Variants in UTP6 observed in about 807,000 individuals in gnomAD.
UTP6 encodes the protein U3 small nucleolar RNA-associated protein 6 homolog.
In UTP6, 60 loss-of-function variants were observed where a neutral mutation model predicts 96.5. That is an observed-to-expected ratio of 0.62 (90% CI 0.51 to 0.77). The LOEUF (loss-of-function observed/expected upper bound fraction) is 0.77, where lower values mean the gene tolerates loss of function less well. Among genes scored for constraint, UTP6 ranks in the 30% least tolerant of loss-of-function variants. The pLI, the probability that UTP6 is intolerant of heterozygous loss-of-function variation, is 0.00. For missense variants in UTP6, 637 were observed against 706.5 expected (o/e 0.90, Z 1.12); for synonymous variants, 215 against 240.1 (o/e 0.90, Z 0.96).
intron 17 of UTP6, among the ~76,000 whole-genome samples, chr17:31,866,286 C>CAAAA (rs869110895): frequency 1.7e-5 from 1 of 58,066 alleles, no homozygotes. Flanking sequence ...GACTCTGTCT[C>CAAAA]AAAAAAAAAA....
intron 16 of UTP6, among the ~76,000 whole-genome samples, chr17:31,872,901 G>A (rs1397634652): frequency 6.6e-6 from 1 of 150,844 alleles, no homozygotes; most frequent in Non-Finnish European, 1.5e-5. Context: ...GGAGGCTAAG[G>A]CGGGAGAATC....
At chr17:31,885,951 AC>A in intron 9 of UTP6, 28 bp downstream of exon 9, 1 of 1,582,288 alleles carries the variant, frequency 6.3e-7, no homozygotes, top group South Asian at 1.2e-5. Context: ...TCACTTTCCT[AC>A]CAAAAATAAT....
chr17:31,887,640 C>T, intron 7 of UTP6: 1 of 178,204 alleles, frequency 5.6e-6, no homozygotes, highest in East Asian at 1.5e-4. Context: ...GCATGAGCCA[C>T]CACACCCAGG....
Position 31,884,419 on chromosome 17 carries a change from C to G in UTP6, c.785+5G>C. On this transcript the variant is annotated splice_donor_5th_base_variant and intron_variant, in intron 10 of 18. Coordinates refer to ENST00000261708, the MANE Select transcript of UTP6 (RefSeq NM_018428.3). ...TATATTCACCTTTCTACTAACTTTA[C>G]TTACTCATCATAAATCTCTTTTTGT... 6.2e-7 allele frequency: 1 copy of G among 1,604,342 alleles called. No homozygotes were observed. The highest frequency in any genetic ancestry group is 1.3e-5 in the African/African-American group (1 of 74,730).
chr17:31,865,233 G>C, intron 18 of UTP6, 133 bp downstream of exon 18: 1 of 807,800 alleles, frequency 1.2e-6, no homozygotes, highest in Non-Finnish European at 1.9e-6. Context: ...GGCTGGTCTC[G>C]AACTCCTGAC....
Position 31,884,477 on chromosome 17 carries a change from C to G in UTP6, c.732G>C (p.Ser244=), listed in dbSNP as rs138959717. 1 of 1,612,032 alleles carries G rather than the reference C, an allele frequency of 6.2e-7. No individual in the cohort carries two copies. Among genetic ancestry groups the G allele is most frequent in the East Asian group, 2.2e-5 (1 of 44,796 alleles). Residue 244 remains serine, a synonymous_variant, in exon 10 of 19, where the codon TCG becomes TCC. Coordinates refer to ENST00000261708, the MANE Select transcript of UTP6 (RefSeq NM_018428.3). ...KGAEFHVSLL[S]IAQLFDFAKD... ...TGGCAAAGTCAAATAGCTGTGCAAT[C>G]GAAAGCAGTGACACGTGAAATTCTG...
At chr17:31,880,905 G>A (rs1910793899) in intron 10 of UTP6, 151 bp from the exon 11 acceptor site, 2 of 1,064,730 alleles carry the variant, frequency 1.9e-6, no homozygotes, top group African/African-American at 1.6e-5. Flanking sequence ...CGGGCCCGGT[G>A]GCTCACGCCA....
Position 31,873,417 on chromosome 17 carries a change from C to T in UTP6, c.1457G>A (p.Arg486Gln), listed in dbSNP as rs765665411. 48 of 1,613,990 alleles carry T rather than the reference C, an allele frequency of 3.0e-5. 1 individual carries two copies. Among genetic ancestry groups the T allele is most frequent in the South Asian group, 2.9e-4 (26 of 91,088 alleles). Residue 486 changes from arginine to glutamine, a missense_variant, in exon 16 of 19, where the codon CGA becomes CAA. Transcript: ENST00000261708. ...TCTGGCCTTTTTGTAGCCACCACTT[C>T]GATAAGCCCAATCCAGGTACTTATT... ...LKNKYLDWAY[R>Q]SGGYKKARAV...
At chr17:31,882,670 C>G (rs1910913098) in intron 10 of UTP6, among the ~76,000 whole-genome samples, 1 of 152,226 alleles carries the variant, frequency 6.6e-6, no homozygotes, top group African/African-American at 2.4e-5. Context: ...ACCTACTCCT[C>G]TCTCAAAACC....
chr17:31,898,078 T>C (rs1408067842), intron 2 of UTP6, among the ~76,000 whole-genome samples: 1 of 148,138 alleles, frequency 6.8e-6, no homozygotes, highest in Non-Finnish European at 1.5e-5. Context: ...ACAAACCCAG[T>C]AGAAAAAAAA....
intron 16 of UTP6, 41 bp from the exon 17 acceptor site, chr17:31,868,153 A>G (rs1255009627): frequency 6.3e-7 from 1 of 1,581,260 alleles, no homozygotes; most frequent in Admixed American, 1.7e-5. Flanking sequence ...ACAATGACAA[A>G]AAGCCTCTTA....
rs530616701 is a variant in UTP6, at chr17:31,876,736, G to A, written c.1126-1323C>T. 1.7e-4 allele frequency among the ~76,000 whole-genome samples: 26 copies of A among 152,050 alleles called. No individual in the cohort carries two copies. In the South Asian group the frequency reaches 3.7e-3, roughly 22 times the overall value. On this transcript the variant is annotated intron_variant, in intron 13 of 18. Coordinates refer to ENST00000261708, the MANE Select transcript of UTP6 (RefSeq NM_018428.3). ...GGATGAAAATTAACAAATAGGCTGCGCTCAGTGGCTCACGCCTGTAATCCC... is the reference window on the plus strand; with the variant it reads ...GGATGAAAATTAACAAATAGGCTGCACTCAGTGGCTCACGCCTGTAATCCC...
chr17:31,866,887 CAAAAAAAAAAA>C (rs56235737), intron 17 of UTP6, among the ~76,000 whole-genome samples: 11 of 43,568 alleles, frequency 2.5e-4, no homozygotes, highest in East Asian at 9.0e-4. Flanking sequence ...ACTCTTGTCT[CAAAAAAAAAAA>C]AAAAAAAAAA....
intron 6 of UTP6, 91 bp from the exon 7 acceptor site, chr17:31,889,494 AAT>A: frequency 3.3e-6 from 3 of 922,192 alleles, no homozygotes; most frequent in Non-Finnish European, 3.2e-6. Context: ...ATACTCGCAC[AAT>A]TTTTTTTTTT....
At chr17:31,901,503 C>G in intron 1 of UTP6, 33 bp downstream of exon 1, 1 of 1,610,126 alleles carries the variant, frequency 6.2e-7, no homozygotes, top group South Asian at 1.1e-5. Context: ...CTCAGGCCGC[C>G]TCAGCTCTTC....
chr17:31,871,243 C>T (rs1263994687), intron 16 of UTP6, among the ~76,000 whole-genome samples: 2 of 151,860 alleles, frequency 1.3e-5, no homozygotes, highest in African/African-American at 2.4e-5. Flanking sequence ...CCGCCCGCCT[C>T]GGCCTCCTAA....
intron 5 of UTP6, 88 bp downstream of exon 5, chr17:31,892,659 T>C: frequency 6.5e-7 from 1 of 1,550,356 alleles, no homozygotes. Flanking sequence ...AACCCTACAC[T>C]TCAGGAAAAA....
chr17:31,896,637 GA>G (rs55745056), intron 2 of UTP6, among the ~76,000 whole-genome samples: 1 of 144,276 alleles, frequency 6.9e-6, no homozygotes, highest in African/African-American at 2.8e-5. Flanking sequence ...TTTTTGCACA[GA>G]AAAAAATTTT....
At chr17:31,895,083 T>A in intron 2 of UTP6, 72 bp from the exon 3 acceptor site, 1 of 1,196,102 alleles carries the variant, frequency 8.4e-7, no homozygotes, top group South Asian at 1.5e-5. Flanking sequence ...GGAAATTTAG[T>A]TAAAGTCATA....
Sources: allele counts gnomAD v4.1 joint callset (sites outside exome capture counted in the v4.1 genomes callset), GRCh38; gene constraint gnomAD v4.1.1; transcripts MANE v1.5; gene names NCBI Gene and HGNC (gene_info 2026-07-23, HGNC 2026-07-21).